NMT1: variants seen among roughly 807,000 people sequenced by gnomAD.
The protein encoded by NMT1 is N-myristoyltransferase 1.
Under a neutral mutation model 63.4 loss-of-function variants are expected in NMT1, and 12 were observed. The observed-to-expected ratio is 0.19, with a 90% CI of 0.12 to 0.31. The LOEUF is 0.31. Among genes scored for constraint, NMT1 ranks in the 10% least tolerant of loss-of-function variants. NMT1 has a pLI of 1.00. For synonymous variants in NMT1, 228 were observed against 234.3 expected (o/e 0.97, Z 0.25); for missense variants, 432 against 634.6 (o/e 0.68, Z 3.43).
intron 1 of NMT1, among the ~76,000 whole-genome samples, chr17:45,073,491 T>G (rs997916578): frequency 2.0e-5 from 3 of 152,038 alleles, no homozygotes; most frequent in African/African-American, 7.2e-5. Flanking sequence ...AGCAATATAT[T>G]ATTATATATT....
intron 1 of NMT1, among the ~76,000 whole-genome samples, chr17:45,069,232 T>C (rs1270643382): frequency 6.6e-6 from 1 of 151,722 alleles, no homozygotes; most frequent in African/African-American, 2.4e-5. Flanking sequence ...GTGCTGGGAT[T>C]ACAGGCGTGA....
At chr17:45,094,671 C>T (rs571818889) in intron 4 of NMT1, among the ~76,000 whole-genome samples, 64 of 150,134 alleles carry the variant, frequency 4.3e-4, no homozygotes, top group African/African-American at 1.4e-3. Flanking sequence ...AGTGCCACCA[C>T]GCCCAGCTAA....
At chr17:45,076,855 C>T (rs972370939) in intron 1 of NMT1, among the ~76,000 whole-genome samples, 1 of 152,028 alleles carries the variant, frequency 6.6e-6, no homozygotes, top group African/African-American at 2.4e-5. Context: ...GCTGCTTGTA[C>T]AAATTCAAGC....
At chr17:45,080,025 A>G (rs570772602) in intron 1 of NMT1, among the ~76,000 whole-genome samples, 6 of 152,190 alleles carry the variant, frequency 3.9e-5, no homozygotes, top group Non-Finnish European at 7.4e-5. Context: ...TCTCCATGGC[A>G]GGAGTAACTG....
At chr17:45,088,156 CGT>C (rs1205202265) in intron 3 of NMT1, among the ~76,000 whole-genome samples, 2 of 152,186 alleles carry the variant, frequency 1.3e-5, no homozygotes, top group East Asian at 3.9e-4. Context: ...CCCCCATCAC[CGT>C]GTGTGTTTGG....
In NMT1 at chr17:45,103,263, T is replaced by C; in HGVS notation, c.1164+142T>C. 3.8e-6 allele frequency: 3 copies of C among 784,828 alleles called. No homozygotes were observed. The South Asian group carries it at 5.7e-5, about 15-fold the overall frequency. 48.6% of individuals were successfully genotyped at this position (784,828 alleles called of 1,614,324 possible). ...TTTGGTCCTCCCTAAAAACAGGGAG[T>C]TGGTGCTTGAATTTGCTGAAAAGAT... On this transcript the variant is annotated intron_variant, in intron 9 of 11. Transcript: ENST00000258960. The surrounding 1 kb of genome is among the most constrained non-coding windows in gnomAD (Gnocchi z 4.8).
chr17:45,092,707 CAAA>C (rs11355949), intron 3 of NMT1, among the ~76,000 whole-genome samples: 10 of 115,746 alleles, frequency 8.6e-5, no homozygotes, highest in Admixed American at 2.7e-4. Flanking sequence ...GAGACTGTCT[CAAA>C]AAAAAAAAAA....
chr17:45,061,714 A>T, intron 1 of NMT1: 1 of 389,116 alleles, frequency 2.6e-6, no homozygotes, highest in Non-Finnish European at 4.7e-6. Flanking sequence ...CGTGTGCTTC[A>T]GGCCATTCCT....
At position 45,105,776 on chromosome 17, in the gene NMT1, C is replaced by T. The variant is rs960277341; in HGVS notation, c.*137C>T. 2.3e-5 allele frequency: 18 copies of T among 796,508 alleles called. No individual in the cohort carries two copies. Among genetic ancestry groups the T allele is most frequent in the South Asian group, 1.4e-4 (8 of 57,542 alleles). The allele number at this position is 796,508 out of a possible 1,614,324, so 49.3% of individuals were successfully genotyped here. Reference sequence around the variant, plus strand: ...CAGAACTGAACCGGCTTTACCAAACCGCCAGCGAACTTGACAATTGTATTG... The same window carrying T: ...CAGAACTGAACCGGCTTTACCAAACTGCCAGCGAACTTGACAATTGTATTG... On this transcript the variant is annotated 3_prime_UTR_variant, in exon 12 of 12. Transcript: ENST00000258960. This position sits in a 1 kb window ranked among gnomAD's most constrained non-coding sequence, Gnocchi z 4.2.
At chr17:45,098,640 C>G in intron 7 of NMT1, 88 bp downstream of exon 7, 1 of 1,234,110 alleles carries the variant, frequency 8.1e-7, no homozygotes, top group East Asian at 2.4e-5. Flanking sequence ...ACAGCTCCGC[C>G]CTTAGCATCC....
intron 1 of NMT1, among the ~76,000 whole-genome samples, chr17:45,080,090 G>T (rs925461897): frequency 6.6e-6 from 1 of 152,090 alleles, no homozygotes; most frequent in Non-Finnish European, 1.5e-5. Flanking sequence ...TTTGCCAGTG[G>T]TGATCCCTCA....
At chr17:45,092,634 A>G (rs1248149349) in intron 3 of NMT1, among the ~76,000 whole-genome samples, 1 of 150,804 alleles carries the variant, frequency 6.6e-6, no homozygotes, top group Non-Finnish European at 1.5e-5. Context: ...TGCTTGAACC[A>G]GGGAGGTGAA....
At chr17:45,088,765 T>TA (rs34592604) in intron 3 of NMT1, among the ~76,000 whole-genome samples, 5,592 of 141,646 alleles carry the variant, frequency 0.039, 131 homozygotes, top group Middle Eastern at 0.067. Flanking sequence ...AAAATGAATT[T>TA]AAAAAAAAAA....
chr17:45,089,789 C>G (rs28570440), intron 3 of NMT1, among the ~76,000 whole-genome samples: 1 of 151,634 alleles, frequency 6.6e-6, no homozygotes, highest in Non-Finnish European at 1.5e-5. Flanking sequence ...CAGGTGCCTG[C>G]CACATGCCTG....
At chr17:45,098,637 C>T (rs2054141646) in intron 7 of NMT1, 85 bp downstream of exon 7, 10 of 1,299,172 alleles carry the variant, frequency 7.7e-6, no homozygotes, top group South Asian at 2.6e-5. Flanking sequence ...GTCACAGCTC[C>T]GCCCTTAGCA....
chr17:45,086,660 C>A lies in NMT1; in HGVS notation c.385+8C>A. 6.2e-7 allele frequency: 1 copy of A among 1,600,642 alleles called. No homozygotes were observed. The highest frequency in any genetic ancestry group is 8.5e-7 in the Non-Finnish European group (1 of 1,174,622). On this transcript the variant is annotated splice_region_variant and intron_variant, in intron 3 of 11. Coordinates refer to ENST00000258960, the MANE Select transcript of NMT1 (RefSeq NM_021079.5). ...AGCCCGTCCCCAAGCTGGGTATGTA[C>A]ATGCTTGCTTTCTTTGCCAGGTCAG...
rs1393660168 is a variant in NMT1, at chr17:45,079,125, A to G, written c.132-2519A>G. On this transcript the variant is annotated intron_variant, in intron 1 of 11. Transcript: ENST00000258960. ...TTTTCTTTTTTTTTTTTTCCCCAAG[A>G]TGGAGTCTTGCTCTGTCGCCCAGAG... Among the ~76,000 whole-genome samples, 6 of 141,894 alleles carry G rather than the reference A, an allele frequency of 4.2e-5. 1 individual carries two copies. The highest frequency in any genetic ancestry group is 7.6e-5 in the Non-Finnish European group (5 of 66,072). 93.1% of individuals were successfully genotyped at this position (141,894 alleles called of 152,430 possible). A position where few individuals can be genotyped will look rare whatever the true frequency, so the allele number is the denominator to read the frequency against.
chr17:45,073,175 C>G (rs900374764), intron 1 of NMT1, among the ~76,000 whole-genome samples: 2 of 152,078 alleles, frequency 1.3e-5, no homozygotes, highest in Non-Finnish European at 2.9e-5. Flanking sequence ...GTAATCCCAG[C>G]ACTGTAGGAG....
At chr17:45,079,792 C>G (rs892711852) in intron 1 of NMT1, among the ~76,000 whole-genome samples, 5 of 152,090 alleles carry the variant, frequency 3.3e-5, no homozygotes, top group Admixed American at 1.3e-4. Flanking sequence ...CTCCGCCTCC[C>G]AGGTTCACGC....
Sources: allele counts gnomAD v4.1 joint callset (sites outside exome capture counted in the v4.1 genomes callset), GRCh38; gene constraint gnomAD v4.1.1; non-coding constraint Gnocchi (gnomAD v3.1); transcripts MANE v1.5; gene names NCBI Gene and HGNC (gene_info 2026-07-23, HGNC 2026-07-21).